The following EMCN variants were observed in gnomAD, a reference collection of about 807,000 sequenced individuals.
The protein encoded by EMCN is endomucin, also known as MUC-14.
A neutral mutation model predicts 38.4 loss-of-function variants in EMCN; 37 were observed. The ratio of observed to expected loss-of-function variants is 0.96; its 90% CI spans 0.74 to 1.27. The LOEUF (loss-of-function observed/expected upper bound fraction) is 1.27, where lower values mean the gene tolerates loss of function less well. Ranked by LOEUF, EMCN falls within the 50% of genes most tolerant of loss-of-function variation. The pLI is 0.00. For synonymous variants in EMCN, 95 were observed against 100.8 expected, an observed-to-expected ratio of 0.94 and a Z score of 0.35; for missense variants, 318 against 302.8, an observed-to-expected ratio of 1.05 and a Z score of -0.37.
intron 1 of EMCN, among the ~76,000 whole-genome samples, chr4:100,482,354 A>T (rs1220592962): frequency 1.3e-5 from 2 of 152,196 alleles, no homozygotes; most frequent in Non-Finnish European, 2.9e-5. Context: ...TGCAAAATAC[A>T]TTTCTTAATG....
chr4:100,516,667 G>T (rs538837574), intron 1 of EMCN, among the ~76,000 whole-genome samples: 1 of 152,064 alleles, frequency 6.6e-6, no homozygotes, highest in South Asian at 2.1e-4. Context: ...GCAAATGTGC[G>T]TGAATTTGAA....
chr4:100,449,375 C>A (rs943517689), intron 4 of EMCN, among the ~76,000 whole-genome samples: 5 of 152,082 alleles, frequency 3.3e-5, no homozygotes, highest in African/African-American at 9.6e-5. Context: ...AAGGAAAAAA[C>A]CAGGTATATA....
chr4:100,454,972 G>A (rs1479825947), intron 4 of EMCN, among the ~76,000 whole-genome samples: 2 of 151,954 alleles, frequency 1.3e-5, no homozygotes, highest in Non-Finnish European at 2.9e-5. Context: ...TTTGGGAAGA[G>A]GTTATGCTTT....
At position 100,483,602 on chromosome 4, in the gene EMCN, T is replaced by A. The variant is rs573439393; in HGVS notation, c.65-3563A>T. 2.6e-5 allele frequency: 4 copies of A among 152,222 alleles called. No homozygotes were observed. The South Asian group carries it at 8.3e-4, about 32-fold the overall frequency. 9.4% of individuals were successfully genotyped at this position (152,222 alleles called of 1,614,324 possible). A position where few individuals can be genotyped will look rare whatever the true frequency, so the allele number is the denominator to read the frequency against. ...ATTAGACTTCAAGCTTCAAAGGAAA[T>A]TTCCCACTGGATAACACTATTTAGA... On this transcript the variant is annotated intron_variant, in intron 1 of 11. Coordinates refer to ENST00000296420, the MANE Select transcript of EMCN (RefSeq NM_016242.4).
Position 100,411,275 on chromosome 4 carries a change from C to T in EMCN, c.752-920G>A, listed in dbSNP as rs191161247. On this transcript the variant is annotated intron_variant, in intron 10 of 11. Coordinates refer to ENST00000296420, the MANE Select transcript of EMCN (RefSeq NM_016242.4). ...GTTGGGCATAGTTCTGCAGCACCCC[C>T]AGCCCCTGCTCCAAGGCAATCTTTT... 1.4e-3 allele frequency among the ~76,000 whole-genome samples: 217 copies of T among 152,266 alleles called. 1 individual carries two copies. The highest frequency in any genetic ancestry group is 4.9e-3 in the African/African-American group (205 of 41,564).
At chr4:100,482,594 G>A (rs1728841381) in intron 1 of EMCN, among the ~76,000 whole-genome samples, 1 of 152,062 alleles carries the variant, frequency 6.6e-6, no homozygotes, top group Non-Finnish European at 1.5e-5. Context: ...CTGTCTAGCT[G>A]GATTGCAGTG....
At chr4:100,460,875 A>G (rs556030775) in intron 4 of EMCN, among the ~76,000 whole-genome samples, 3 of 152,286 alleles carry the variant, frequency 2.0e-5, no homozygotes, top group South Asian at 4.1e-4. Flanking sequence ...TGCACAGACT[A>G]ATGTCAAGAA....
chr4:100,480,241 T>C (rs1728771078), intron 1 of EMCN, among the ~76,000 whole-genome samples: 1 of 152,042 alleles, frequency 6.6e-6, no homozygotes, highest in Non-Finnish European at 1.5e-5. Context: ...AGATGGCTGG[T>C]AGGAGCAGTT....
At chr4:100,419,290 T>A (rs1488207407) in intron 8 of EMCN, among the ~76,000 whole-genome samples, 2 of 152,240 alleles carry the variant, frequency 1.3e-5, no homozygotes, top group African/African-American at 2.4e-5. Flanking sequence ...CCAAACTAGA[T>A]AAAGTCTCTC....
chr4:100,473,791 G>A (rs1296296611), intron 3 of EMCN: 1 of 152,762 alleles, frequency 6.5e-6, no homozygotes, highest in Admixed American at 6.5e-5. Context: ...ATCTCGCTAA[G>A]TGGGTGCCTC....
At chr4:100,478,494 G>A (rs1057430080) in intron 2 of EMCN, among the ~76,000 whole-genome samples, 2 of 152,070 alleles carry the variant, frequency 1.3e-5, no homozygotes, top group African/African-American at 4.8e-5. Context: ...AAGTAAACTG[G>A]CATGAAGTCT....
chr4:100,439,092 C>T (rs932077614), intron 5 of EMCN, among the ~76,000 whole-genome samples: 2 of 152,024 alleles, frequency 1.3e-5, no homozygotes, highest in Non-Finnish European at 2.9e-5. Context: ...ATATCTTTGT[C>T]TGACTTAGGT....
intron 5 of EMCN, among the ~76,000 whole-genome samples, chr4:100,445,154 G>A (rs1727633101): frequency 6.6e-6 from 1 of 152,098 alleles, no homozygotes; most frequent in African/African-American, 2.4e-5. Context: ...TAGTTATTTT[G>A]ATCAAGATGT....
chr4:100,460,069 A>G (rs1262265443), intron 4 of EMCN, among the ~76,000 whole-genome samples: 1 of 152,134 alleles, frequency 6.6e-6, no homozygotes, highest in Non-Finnish European at 1.5e-5. Context: ...TCTTTTCTCT[A>G]TATCTTTGAC....
At chr4:100,515,383 T>C (rs1729725432) in intron 1 of EMCN, among the ~76,000 whole-genome samples, 1 of 152,188 alleles carries the variant, frequency 6.6e-6, no homozygotes, top group South Asian at 2.1e-4. Context: ...CATACACATT[T>C]CAATAGAACA....
intron 1 of EMCN, among the ~76,000 whole-genome samples, chr4:100,502,933 A>T (rs1249232123): frequency 6.6e-6 from 1 of 152,174 alleles, no homozygotes; most frequent in Non-Finnish European, 1.5e-5. Flanking sequence ...TCAATTTGAT[A>T]TAATAAAAGT....
At chr4:100,475,659 CTTTTTT>C (rs869169290) in intron 2 of EMCN, among the ~76,000 whole-genome samples, 20,379 of 60,528 alleles carry the variant, frequency 0.34, 5,154 homozygotes, top group Non-Finnish European at 0.42. Flanking sequence ...AATTCTAGTC[CTTTTTT>C]TTTTTTTTTT....
At chr4:100,471,859 G>A (rs751149505) in intron 3 of EMCN, among the ~76,000 whole-genome samples, 2 of 151,708 alleles carry the variant, frequency 1.3e-5, no homozygotes, top group Non-Finnish European at 2.9e-5. Context: ...ATAAGACAAG[G>A]CATTTTTAAA....
At chr4:100,422,576 T>G (rs976530176) in intron 7 of EMCN, among the ~76,000 whole-genome samples, 4 of 151,894 alleles carry the variant, frequency 2.6e-5, no homozygotes, top group Non-Finnish European at 5.9e-5. Context: ...TTTTTTGATA[T>G]AATTTATTTA....
Sources: gnomAD v4.1 joint callset for allele counts (sites outside exome capture counted in the v4.1 genomes callset) on GRCh38, gnomAD v4.1.1 for gene constraint, MANE v1.5 for transcripts, NCBI Gene and HGNC (gene_info 2026-07-23, HGNC 2026-07-21) for gene names.